HMGXB3: variants seen among roughly 807,000 people sequenced by gnomAD.
The protein encoded by HMGXB3 is HMG domain-containing protein 3.
Under a neutral mutation model 121.5 loss-of-function variants are expected in HMGXB3, and 45 were observed. The ratio of observed to expected loss-of-function variants is 0.37; its 90% CI spans 0.29 to 0.47. HMGXB3 has a LOEUF of 0.47. Among genes scored for constraint, HMGXB3 ranks in the 20% least tolerant of loss-of-function variants. HMGXB3 has a pLI of 0.99. For missense variants in HMGXB3, 1,376 were observed against 1,602.2 expected (o/e 0.86, Z 2.41); for synonymous variants, 590 against 624.1 (o/e 0.95, Z 0.81).
chr5:150,012,707 G>A (rs971663652), intron 5 of HMGXB3, among the ~76,000 whole-genome samples: 12 of 152,152 alleles, frequency 7.9e-5, no homozygotes, highest in South Asian at 2.1e-4. Flanking sequence ...TACTGTGATC[G>A]TACAGATTAG....
In HMGXB3 at chr5:150,045,727, A is replaced by C. The variant is rs552868205; in HGVS notation, c.2950+42A>C. The C allele has an allele frequency of 4.8e-6, 7 of 1,463,554 alleles. No homozygotes were observed. The African/African-American group carries it at 9.8e-5, about 21-fold the overall frequency. The allele number at this position is 1,463,554 out of a possible 1,614,324, so 90.7% of individuals were successfully genotyped here. A position where few individuals can be genotyped will look rare whatever the true frequency, so the allele number is the denominator to read the frequency against. ...GCTGACTGGGGTCAAAAAAGGGCTC[A>C]GTCAAGAGTCTGGGACATTGTCCAT... On this transcript the variant is annotated intron_variant, in intron 16 of 19. Coordinates refer to ENST00000502717, the MANE Select transcript of HMGXB3 (RefSeq NM_014983.3).
At chr5:150,016,863 A>G (rs1017716412) in intron 5 of HMGXB3, among the ~76,000 whole-genome samples, 3 of 152,128 alleles carry the variant, frequency 2.0e-5, no homozygotes, top group African/African-American at 7.2e-5. Context: ...TTGGCTTATT[A>G]GCTATTGACT....
intron 1 of HMGXB3, among the ~76,000 whole-genome samples, chr5:150,003,929 C>G (rs1022035402): frequency 2.0e-5 from 3 of 151,830 alleles, no homozygotes; most frequent in African/African-American, 7.3e-5. Context: ...TCTCTAGTGA[C>G]AGAGTGAGAC....
At chr5:150,050,230 C>T (rs1756857444) in intron 18 of HMGXB3, 22 bp from the exon 19 acceptor site, 1 of 1,544,358 alleles carries the variant, frequency 6.5e-7, no homozygotes, top group Non-Finnish European at 8.8e-7. Flanking sequence ...TAACCCTGCG[C>T]CCCCCACCCT....
At position 150,052,336 on chromosome 5, in the gene HMGXB3, C is replaced by T. The variant is rs1756938755; in HGVS notation, c.*144C>T. 3.0e-6 allele frequency: 2 copies of T among 670,892 alleles called. No individual in the cohort carries two copies. Among genetic ancestry groups the T allele is most frequent in the Non-Finnish European group, 5.0e-6 (2 of 400,802 alleles). The allele number at this position is 670,892 out of a possible 1,614,324, so 41.6% of individuals were successfully genotyped here. On this transcript the variant is annotated 3_prime_UTR_variant, in exon 20 of 20. Coordinates refer to ENST00000502717, the MANE Select transcript of HMGXB3 (RefSeq NM_014983.3). ...TGGGACTGACCAAAGAGCTTCCATT[C>T]CCTGAGCATGGTGGGACCCAGGGTC...
intron 10 of HMGXB3, among the ~76,000 whole-genome samples, 159 bp downstream of exon 10, chr5:150,030,998 A>G (rs1756363460): frequency 6.6e-6 from 1 of 152,164 alleles, no homozygotes; most frequent in South Asian, 2.1e-4. Context: ...CCTGATGCAA[A>G]TAATAGCTAC....
chr5:150,048,057 GT>G lies in HMGXB3; in HGVS notation c.3084+303del, dbSNP rs575333625. ...TTATATTTTGAGCTTCATTTTCCTT[GT>G]TTGTAAAATGGAAATAACCAAAATA... On this transcript the variant is annotated intron_variant, in intron 17 of 19. Coordinates refer to ENST00000502717, the MANE Select transcript of HMGXB3 (RefSeq NM_014983.3). 1.1e-4 allele frequency among the ~76,000 whole-genome samples: 16 copies of G among 152,268 alleles called. 3 individuals are homozygous for G. In the South Asian group the frequency reaches 3.3e-3, roughly 32 times the overall value.
At chr5:150,009,301 T>C (rs4705406) in intron 3 of HMGXB3, among the ~76,000 whole-genome samples, 18,202 of 152,224 alleles carry the variant, frequency 0.12, 1,318 homozygotes, top group Admixed American at 0.26. Context: ...CATCCTAAAT[T>C]TTCTCATTTG....
intron 5 of HMGXB3, among the ~76,000 whole-genome samples, chr5:150,016,461 T>C (rs1484479266): frequency 6.6e-6 from 1 of 152,176 alleles, no homozygotes; most frequent in East Asian, 1.9e-4. Flanking sequence ...TATGTAAACA[T>C]GTAGGATTGT....
intron 6 of HMGXB3, chr5:150,021,765 T>C (rs748857049): frequency 5.9e-6 from 3 of 508,708 alleles, no homozygotes; most frequent in Non-Finnish European, 1.2e-5. Flanking sequence ...GCATTCGAAC[T>C]GATCCTTTCA....
intron 9 of HMGXB3, among the ~76,000 whole-genome samples, chr5:150,027,808 C>G (rs1756269364): frequency 6.6e-6 from 1 of 152,144 alleles, no homozygotes; most frequent in Admixed American, 6.5e-5. Context: ...CCACCTCGGC[C>G]TCCCAAAGTG....
In HMGXB3 at chr5:150,020,536, G is replaced by A. The variant is rs1054061516; in HGVS notation, c.1041+1839G>A. 7.9e-5 allele frequency among the ~76,000 whole-genome samples: 12 copies of A among 151,790 alleles called. No homozygotes were observed. In the South Asian group the frequency reaches 1.7e-3, roughly 21 times the overall value. ...TTTTACTTTGGCTTTTTCATTTCTT[G>A]TATGTGTGGCTTTCTTTTTCATTTC... is the stretch of plus-strand genomic sequence containing the variant. On this transcript the variant is annotated intron_variant, in intron 6 of 19. Transcript: ENST00000502717.
intron 19 of HMGXB3, among the ~76,000 whole-genome samples, chr5:150,051,312 C>A (rs1258390136): frequency 6.6e-6 from 1 of 152,202 alleles, no homozygotes; most frequent in Non-Finnish European, 1.5e-5. Context: ...GTGCCCCAGC[C>A]AGGATGCATT....
chr5:150,030,575 A>C (rs1373720647), intron 9 of HMGXB3, 166 bp from the exon 10 acceptor site: 1 of 595,438 alleles, frequency 1.7e-6, no homozygotes, highest in Non-Finnish European at 3.0e-6. Context: ...CATGACACTC[A>C]GCCTTTGGTG....
rs577473356 is a variant in HMGXB3, at chr5:150,018,113, G to C, written c.910-453G>C. On this transcript the variant is annotated intron_variant, in intron 5 of 19. Transcript: ENST00000502717. ...TATTTAGAGCCAGAGGGTGCAGCTG[G>C]ATGCATAGAAGGAATGTTGGGCCAA... 7.9e-5 allele frequency among the ~76,000 whole-genome samples: 12 copies of C among 152,322 alleles called. No individual in the cohort carries two copies. In the South Asian group the frequency reaches 2.5e-3, roughly 32 times the overall value.
intron 13 of HMGXB3, 117 bp downstream of exon 13, chr5:150,037,644 A>G: frequency 2.3e-6 from 2 of 861,214 alleles, no homozygotes; most frequent in Non-Finnish European, 3.1e-6. Flanking sequence ...GCTTCTGAGG[A>G]AGGGGGAGTC....
rs139579360 is a variant in HMGXB3 at position 150,012,743 on chromosome 5, C to T, written c.909+390C>T. 3.3e-4 allele frequency among the ~76,000 whole-genome samples: 50 copies of T among 152,320 alleles called. 1 individual carries two copies. The East Asian group carries it at 6.0e-3, about 18-fold the overall frequency. On this transcript the variant is annotated intron_variant, in intron 5 of 19. Coordinates refer to ENST00000502717, the MANE Select transcript of HMGXB3 (RefSeq NM_014983.3). ...GAAAAGGGCCATAGGAGAGAAAGGA[C>T]TTGTTCAAGGTTACAAGACAAGTCA... is the stretch of plus-strand genomic sequence containing the variant.
intron 1 of HMGXB3, among the ~76,000 whole-genome samples, chr5:150,002,524 T>G (rs565298222): frequency 2.0e-4 from 31 of 152,304 alleles, no homozygotes; most frequent in Middle Eastern, 3.4e-3. Flanking sequence ...AACTGCCTCT[T>G]CCCAGAATTC....
At chr5:150,045,750 C>T in intron 16 of HMGXB3, 65 bp downstream of exon 16, 3 of 1,304,544 alleles carry the variant, frequency 2.3e-6, no homozygotes, top group Non-Finnish European at 3.2e-6. Flanking sequence ...GGACATTGTC[C>T]ATGGCAAGAT....
Sources: gnomAD v4.1 joint callset for allele counts (sites outside exome capture counted in the v4.1 genomes callset) on GRCh38, gnomAD v4.1.1 for gene constraint, MANE v1.5 for transcripts, NCBI Gene and HGNC (gene_info 2026-07-23, HGNC 2026-07-21) for gene names.